Variants in SERP2 observed in about 807,000 individuals in gnomAD.
SERP2 encodes stress associated endoplasmic reticulum protein family member 2, also known as stress-associated endoplasmic reticulum protein 2.
In SERP2, 6 loss-of-function variants were observed where a neutral mutation model predicts 9.1. That is an observed-to-expected ratio of 0.66 (90% CI 0.36 to 1.30). The LOEUF is 1.30. Among genes scored for constraint, SERP2 ranks in the 50% most tolerant of loss-of-function variants. The pLI is 0.03. For synonymous variants in SERP2, 37 were observed against 27.3 expected (o/e 1.35, Z -1.10); for missense variants, 58 against 81.9 (o/e 0.71, Z 1.13).
Position 44,397,257 on chromosome 13 carries a change from T to G in SERP2, c.158-15T>G, listed in dbSNP as rs766916319. ...GCAGTCTGGTGTCTGAGCTGTGGTG[T>G]TTTCCTCTTTTCAGCTATCTTTCAG... On this transcript the variant is annotated splice_polypyrimidine_tract_variant and intron_variant, in intron 2 of 2. Coordinates refer to ENST00000379179, the MANE Select transcript of SERP2 (RefSeq NM_001010897.3). 33 of 1,612,886 alleles carry G rather than the reference T, an allele frequency of 2.0e-5. No individual in the cohort carries two copies. The Admixed American group carries it at 3.7e-4, about 18-fold the overall frequency.
rs982867573 is a variant in SERP2, at chr13:44,397,422, C to T, written c.*110C>T. ...GCAGGCCACACGGAATAGAAAAAAA[C>T]GCTCCCCCACTTGTTCCCTGATCAC... On this transcript the variant is annotated 3_prime_UTR_variant, in exon 3 of 3. Transcript: ENST00000379179. The T allele has an allele frequency of 5.4e-5, 44 of 821,414 alleles. No homozygotes were observed. The highest frequency in any genetic ancestry group is 8.8e-5 in the Non-Finnish European group (43 of 488,428). 50.9% of individuals were successfully genotyped at this position (821,414 alleles called of 1,614,324 possible).
intron 2 of SERP2, chr13:44,395,932 C>A: frequency 2.2e-6 from 1 of 445,424 alleles, no homozygotes; most frequent in Non-Finnish European, 4.5e-6. Flanking sequence ...AGAAGTGCAG[C>A]TGACCAGAAG....
intron 1 of SERP2, 54 bp downstream of exon 1, chr13:44,374,163 G>GT: frequency 1.9e-6 from 1 of 519,196 alleles, no homozygotes; most frequent in South Asian, 4.1e-5. Context: ...GCGGGGTGGG[G>GT]CGGAAGGTGG....
At chr13:44,381,279 C>T (rs564936359) in intron 2 of SERP2, among the ~76,000 whole-genome samples, 1 of 150,106 alleles carries the variant, frequency 6.7e-6, no homozygotes, top group African/African-American at 2.5e-5. Flanking sequence ...CAGTGGCTCA[C>T]GCCTGTAATC....
intron 2 of SERP2, among the ~76,000 whole-genome samples, chr13:44,393,402 T>C (rs1872896140): frequency 6.6e-6 from 1 of 152,086 alleles, no homozygotes; most frequent in African/African-American, 2.4e-5. Flanking sequence ...AGAGAAATGG[T>C]ATCATCTAAG....
At chr13:44,374,177 C>CGGGGGGGGTGGGGGGGGTGGTGGGGGG in intron 1 of SERP2, 68 bp downstream of exon 1, 1 of 151,764 alleles carries the variant, frequency 6.6e-6, no homozygotes, top group Non-Finnish European at 1.2e-5. Flanking sequence ...AAGGTGGGGG[C>CGGGGGGGGTGGGGGGGGTGGTGGGGGG]GGGGCCGGGC....
intron 2 of SERP2, among the ~76,000 whole-genome samples, 193 bp from the exon 3 acceptor site, chr13:44,397,079 C>T (rs1386614197): frequency 5.3e-5 from 8 of 152,180 alleles, no homozygotes; most frequent in Admixed American, 2.0e-4. Context: ...ATCCATCAGC[C>T]GACTGAGCGA....
chr13:44,383,101 G>A (rs1177057271), intron 2 of SERP2, among the ~76,000 whole-genome samples: 2 of 152,144 alleles, frequency 1.3e-5, no homozygotes, highest in African/African-American at 4.8e-5. Context: ...AGAATGTGCT[G>A]GGCTCAAGAA....
chr13:44,391,310 G>A (rs1225759099), intron 2 of SERP2, among the ~76,000 whole-genome samples: 2 of 152,194 alleles, frequency 1.3e-5, no homozygotes, highest in Non-Finnish European at 2.9e-5. Flanking sequence ...TCTAAAGGCA[G>A]CCATTTGATG....
chr13:44,387,671 A>G (rs573636659), intron 2 of SERP2, among the ~76,000 whole-genome samples: 52 of 152,264 alleles, frequency 3.4e-4, no homozygotes, highest in Non-Finnish European at 6.6e-4. Context: ...GGATGCAGCA[A>G]TCTGAGATGC....
At chr13:44,382,967 AG>A (rs1872089002) in intron 2 of SERP2, among the ~76,000 whole-genome samples, 1 of 152,230 alleles carries the variant, frequency 6.6e-6, no homozygotes, top group Non-Finnish European at 1.5e-5. Context: ...ACTCAGCAGA[AG>A]AGAAAGTTTC....
chr13:44,390,394 G>C (rs1334686005), intron 2 of SERP2: 8 of 452,388 alleles, frequency 1.8e-5, no homozygotes, highest in Admixed American at 2.4e-5. Context: ...GAGACTGCCA[G>C]AACTTTCTCA....
chr13:44,374,303 G>A (rs1487171618), intron 1 of SERP2, among the ~76,000 whole-genome samples, 194 bp downstream of exon 1: 1 of 152,156 alleles, frequency 6.6e-6, no homozygotes, highest in African/African-American at 2.4e-5. Context: ...GCGTCCTCGT[G>A]GGCGGAGAGG....
intron 2 of SERP2, among the ~76,000 whole-genome samples, chr13:44,387,541 T>G (rs888929807): frequency 5.3e-5 from 8 of 152,214 alleles, no homozygotes; most frequent in Non-Finnish European, 7.3e-5. Context: ...AATGAGGTCT[T>G]TTCCTTAATA....
At chr13:44,374,418 G>A (rs1305644743) in intron 1 of SERP2, among the ~76,000 whole-genome samples, 1 of 152,250 alleles carries the variant, frequency 6.6e-6, no homozygotes, top group Non-Finnish European at 1.5e-5. Context: ...CTGCCCGGGA[G>A]ACAGCTGGGC....
intron 1 of SERP2, among the ~76,000 whole-genome samples, chr13:44,378,956 T>C (rs1343290109): frequency 6.6e-6 from 1 of 152,248 alleles, no homozygotes; most frequent in Non-Finnish European, 1.5e-5. Flanking sequence ...TTAGGAGCTT[T>C]ATTACAAAAT....
chr13:44,382,231 A>G (rs541147083), intron 2 of SERP2, among the ~76,000 whole-genome samples: 1 of 151,912 alleles, frequency 6.6e-6, no homozygotes, highest in South Asian at 2.1e-4. Context: ...AGGTCAGGAG[A>G]TAAGACCATC....
chr13:44,382,796 T>C (rs1446828311), intron 2 of SERP2, among the ~76,000 whole-genome samples: 1 of 152,220 alleles, frequency 6.6e-6, no homozygotes, highest in Non-Finnish European at 1.5e-5. Context: ...TGCCTGGCAC[T>C]GTGCCGGGCT....
intron 2 of SERP2, among the ~76,000 whole-genome samples, chr13:44,387,391 T>A (rs1200656438): frequency 4.6e-5 from 7 of 152,188 alleles, no homozygotes; most frequent in Non-Finnish European, 8.8e-5. Context: ...GAACACAATA[T>A]GGCTGGCAGG....
Sources: gnomAD v4.1 joint callset for allele counts (sites outside exome capture counted in the v4.1 genomes callset) on GRCh38, gnomAD v4.1.1 for gene constraint, MANE v1.5 for transcripts, NCBI Gene and HGNC (gene_info 2026-07-23, HGNC 2026-07-21) for gene names.